ENOX2: variants seen among roughly 807,000 people sequenced by gnomAD.
ENOX2 encodes ecto-NOX disulfide-thiol exchanger 2.
ENOX2 carries 36 observed loss-of-function variants against 45.0 expected under a neutral mutation model. The observed-to-expected ratio is 0.80, with a 90% CI of 0.61 to 1.06. The LOEUF (loss-of-function observed/expected upper bound fraction) is 1.06, where lower values mean the gene tolerates loss of function less well. Ranked by LOEUF, ENOX2 falls within the 50% of genes least tolerant of loss-of-function variation. The pLI, the probability that ENOX2 is intolerant of heterozygous loss-of-function variation, is 0.00. For missense variants in ENOX2, 423 were observed against 462.5 expected, an observed-to-expected ratio of 0.91 and a Z score of 0.78; for synonymous variants, 174 against 152.3, an observed-to-expected ratio of 1.14 and a Z score of -1.05.
intron 3 of ENOX2, among the ~76,000 whole-genome samples, chrX:130,758,776 T>C (rs1019015702): frequency 9.8e-5 from 11 of 112,164 alleles, no homozygotes; most frequent in African/African-American, 3.2e-4. Flanking sequence ...AAAGGTGATA[T>C]CTCATTGTGA....
chrX:130,625,740 T>A (rs2035526917), intron 14 of ENOX2, among the ~76,000 whole-genome samples: 1 of 111,149 alleles, frequency 9.0e-6, no homozygotes, highest in Non-Finnish European at 1.9e-5. Flanking sequence ...TCAGTTCTAG[T>A]GATGCTGCGT....
At chrX:130,849,110 C>CA (rs2078162279) in intron 2 of ENOX2, among the ~76,000 whole-genome samples, 1 of 112,518 alleles carries the variant, frequency 8.9e-6, no homozygotes, top group Non-Finnish European at 1.9e-5. Flanking sequence ...GTCAAACAAA[C>CA]AAAAAACCCA....
At chrX:130,657,875 C>A (rs1369181922) in intron 9 of ENOX2, among the ~76,000 whole-genome samples, 1 of 111,997 alleles carries the variant, frequency 8.9e-6, no homozygotes, top group Non-Finnish European at 1.9e-5. Context: ...ACACTGAAAT[C>A]ACCTAGATGT....
At position 130,635,044 on chromosome X, in the gene ENOX2, A is replaced by C. The variant is rs2035896344; in HGVS notation, c.1359T>G (p.Leu453=). 1 of 1,194,688 alleles carries C rather than the reference A, an allele frequency of 8.4e-7. No homozygotes were observed. Among genetic ancestry groups the C allele is most frequent in the Non-Finnish European group, 1.1e-6 (1 of 883,204 alleles). The change falls in exon 12 of 15, where the codon CTT becomes CTG. Residue 453 remains leucine (L), a synonymous_variant. Transcript: ENST00000394363. ...GTAACTTGTCATCTTTGAGTTTTTCAAGTTCAGCTTCTTTCTTTTTGTATT... is the reference window on the plus strand; with the variant it reads ...GTAACTTGTCATCTTTGAGTTTTTCCAGTTCAGCTTCTTTCTTTTTGTATT... ...QEEYKKKEAE[L]EKLKDDKLQV...
intron 3 of ENOX2, 37 bp downstream of exon 3, chrX:130,783,510 G>C (rs1212672554): frequency 3.1e-6 from 1 of 321,545 alleles, no homozygotes; most frequent in Non-Finnish European, 6.0e-6. Flanking sequence ...GTTGACTCTG[G>C]TACTGGCTTA....
intron 10 of ENOX2, among the ~76,000 whole-genome samples, chrX:130,640,526 G>A (rs1370143881): frequency 8.9e-6 from 1 of 112,537 alleles, no homozygotes; most frequent in Non-Finnish European, 1.9e-5. Flanking sequence ...TGATAGACTG[G>A]ATAAAGAAAA....
chrX:130,871,232 T>C lies in ENOX2; in HGVS notation c.-183+30452A>G, dbSNP rs2078581804. 1.8e-5 allele frequency among the ~76,000 whole-genome samples: 2 copies of C among 111,566 alleles called. 1 individual carries two copies. The highest frequency in any genetic ancestry group is 7.6e-4 in the South Asian group (2 of 2,640). ...AGTTAGATAGTAATATTGAGTGAAA[T>C]CTTAATTGTAACAGTAATTAAAGGT... On this transcript the variant is annotated intron_variant, in intron 2 of 14. Coordinates refer to ENST00000394363, the MANE Select transcript of ENOX2 (RefSeq NM_006375.4).
At chrX:130,902,478 T>C (rs924808543) in intron 1 of ENOX2, among the ~76,000 whole-genome samples, 2 of 107,918 alleles carry the variant, frequency 1.9e-5, no homozygotes, top group African/African-American at 3.4e-5. Context: ...AAGTGGCAGG[T>C]GGCTGAGGGG....
intron 3 of ENOX2, among the ~76,000 whole-genome samples, chrX:130,773,438 A>C (rs1325123347): frequency 8.9e-6 from 1 of 112,359 alleles, no homozygotes; most frequent in Non-Finnish European, 1.9e-5. Context: ...AAAATCTGTA[A>C]AGAAGTGGGG....
intron 2 of ENOX2, among the ~76,000 whole-genome samples, chrX:130,788,556 A>C (rs1223584812): frequency 9.0e-6 from 1 of 111,586 alleles, no homozygotes; most frequent in Admixed American, 9.6e-5. Context: ...TTTCCCTAAA[A>C]CAGCTTCTTG....
intron 2 of ENOX2, among the ~76,000 whole-genome samples, chrX:130,887,415 C>T (rs906259085): frequency 5.7e-5 from 6 of 105,239 alleles, no homozygotes; most frequent in Non-Finnish European, 1.2e-4. Flanking sequence ...TTAGATCTGA[C>T]GCTTCTGTTT....
At position 130,821,650 on chromosome X, in the gene ENOX2, C is replaced by G. The variant is rs754786562; in HGVS notation, c.-182-37960G>C. The stretch of plus-strand genomic sequence containing the variant: ...GGCACATGTATACATATGTAACTAA[C>G]CTGCACAATGTGCACATGTACCCTA... On this transcript the variant is annotated intron_variant, in intron 2 of 14. Transcript: ENST00000394363. Among the ~76,000 whole-genome samples, 816 of 83,371 alleles carry G rather than the reference C, an allele frequency of 9.8e-3. 8 individuals carry two copies. The highest frequency in any genetic ancestry group is 0.016 in the Non-Finnish European group (705 of 44,173). 72.4% of individuals were successfully genotyped at this position (83,371 alleles called of 115,157 possible).
rs780666351 is a variant in ENOX2 at position 130,665,753 on chromosome X, C to A, written c.908-4G>T. The A allele has an allele frequency of 1.8e-6, 2 of 1,140,963 alleles. No individual in the cohort carries two copies. Among genetic ancestry groups the A allele is most frequent in the Admixed American group, 4.5e-5 (2 of 44,645 alleles). 94.0% of individuals were successfully genotyped at this position (1,140,963 alleles called of 1,213,427 possible). A position where few individuals can be genotyped will look rare whatever the true frequency, so the allele number is the denominator to read the frequency against. On this transcript the variant is annotated splice_polypyrimidine_tract_variant and splice_region_variant and intron_variant, in intron 8 of 14. Transcript: ENST00000394363. ...TACACAGCCACTATCTGCTCAACTG[C>A]AGCATCAAATCAGCAGTTGGATCAG...
At chrX:130,731,113 T>C (rs1019418810) in intron 3 of ENOX2, among the ~76,000 whole-genome samples, 3 of 111,349 alleles carry the variant, frequency 2.7e-5, no homozygotes, top group East Asian at 5.6e-4. Context: ...GATCAAGACC[T>C]GGGTTTGATT....
At chrX:130,726,250 G>C (rs1024358033) in intron 3 of ENOX2, among the ~76,000 whole-genome samples, 1 of 111,858 alleles carries the variant, frequency 8.9e-6, no homozygotes, top group Non-Finnish European at 1.9e-5. Context: ...GCAATATAAA[G>C]AGCTCTCCAA....
At chrX:130,797,011 T>C (rs1276429992) in intron 2 of ENOX2, among the ~76,000 whole-genome samples, 2 of 111,949 alleles carry the variant, frequency 1.8e-5, no homozygotes, top group Non-Finnish European at 1.9e-5. Context: ...TCCTAGAAGA[T>C]TGCAAAGTGA....
In ENOX2 at chrX:130,631,555, A is replaced by G. The variant is rs2035722095; in HGVS notation, c.1441T>C (p.Cys481Arg). The G allele has an allele frequency of 8.4e-7, 1 of 1,190,550 alleles. No homozygotes were observed. Among genetic ancestry groups the G allele is most frequent in the African/African-American group, 1.7e-5 (1 of 57,407 alleles). Residue 481 changes from cysteine to arginine, a missense_variant, in exon 13 of 15, where the codon TGT (cysteine) becomes CGT (arginine). Cys to Arg is a radical substitution (Grantham distance 180). Around this residue, in one of 5 missense-constraint regions of ENOX2, gnomAD observed 108 missense variants for 70.6 expected, o/e 1.53. Transcript: ENST00000394363. ...TATTCGCTATCCTGGTTTGAGGCAC[A>G]CAGCCTAGAAGCACAGCTTTCCTGT... ...KEKESCASRLCASNQDSEYPL... is the reference protein window; with the variant it reads ...KEKESCASRLRASNQDSEYPL...
chrX:130,624,774 G>A lies in ENOX2; in HGVS notation c.*540C>T, dbSNP rs1020048035. ...AAAAAGCCACAAACCATGCTTTGTC[G>A]TTTAAAAGGTGAACCTGGTCAGGCA... On this transcript the variant is annotated 3_prime_UTR_variant, in exon 15 of 15. Transcript: ENST00000394363. The A allele has an allele frequency of 8.0e-5, 9 of 112,478 alleles. No individual in the cohort carries two copies. Among genetic ancestry groups the A allele is most frequent in the African/African-American group, 2.3e-4 (7 of 30,935 alleles). The allele number at this position is 112,478 out of a possible 1,213,427, so 9.3% of individuals were successfully genotyped here.
At chrX:130,876,773 G>T (rs1007306611) in intron 2 of ENOX2, among the ~76,000 whole-genome samples, 3 of 111,637 alleles carry the variant, frequency 2.7e-5, no homozygotes, top group Non-Finnish European at 5.7e-5. Flanking sequence ...TTATTCTGTA[G>T]GTTGTGTGGA....
Sources: allele counts gnomAD v4.1 joint callset (sites outside exome capture counted in the v4.1 genomes callset), GRCh38; gene constraint gnomAD v4.1.1; regional missense constraint gnomAD v4.1.1; transcripts MANE v1.5; gene names NCBI Gene and HGNC (gene_info 2026-07-23, HGNC 2026-07-21).